The following PDE4D variants were observed in gnomAD, a reference collection of about 807,000 sequenced individuals.
PDE4D encodes phosphodiesterase 4D.
Under a neutral mutation model 87.4 loss-of-function variants are expected in PDE4D, and 24 were observed. That is an observed-to-expected ratio of 0.27 (90% confidence interval 0.20 to 0.39). The LOEUF (loss-of-function observed/expected upper bound fraction) is 0.39, where lower values mean the gene tolerates loss of function less well. Among genes scored for constraint, PDE4D ranks in the 10% least tolerant of loss-of-function variants. The pLI is 1.00. For missense variants in PDE4D, 714 were observed against 1,041.0 expected (o/e 0.69, Z 4.32); for synonymous variants, 384 against 383.2 (o/e 1.00, Z -0.02).
intron 1 of PDE4D, among the ~76,000 whole-genome samples, chr5:59,281,646 T>C (rs1195408075): frequency 6.6e-6 from 1 of 152,134 alleles, no homozygotes; most frequent in Non-Finnish European, 1.5e-5. Context: ...ACAACGATTA[T>C]CTCCATCCAT....
rs1370644483 is a variant in PDE4D at position 60,063,091 on chromosome 5, GAAAGAAGA to G, written c.43-74382_43-74375del. 7.1e-3 allele frequency among the ~76,000 whole-genome samples: 703 copies of G among 99,296 alleles called. 6 individuals are homozygous for G. Among genetic ancestry groups the G allele is most frequent in the African/African-American group, 0.025 (667 of 26,280 alleles). The allele number at this position is 99,296 out of a possible 152,430, so 65.1% of individuals were successfully genotyped here. ...AAAACTTAAAGAAGAAAGAAAGAAA[GAAAGAAGA>G]AAGAAAGAAAGAAAGAAAGAAAGAA... On this transcript the variant is annotated intron_variant, in intron 2 of 16. Transcript: ENST00000502484.
chr5:59,840,555 G>A (rs1455369177), intron 1 of PDE4D, among the ~76,000 whole-genome samples: 2 of 151,948 alleles, frequency 1.3e-5, no homozygotes, highest in Non-Finnish European at 2.9e-5. Flanking sequence ...GGTTGTGAAG[G>A]GACAGAAGGG....
At chr5:59,712,736 A>C (rs1754395240) in intron 1 of PDE4D, among the ~76,000 whole-genome samples, 1 of 152,050 alleles carries the variant, frequency 6.6e-6, no homozygotes, top group African/African-American at 2.4e-5. Context: ...TAATTTCATA[A>C]TTACTGAAAC....
chr5:59,502,875 T>A (rs1185644004), intron 1 of PDE4D, among the ~76,000 whole-genome samples: 1 of 151,222 alleles, frequency 6.6e-6, no homozygotes, highest in Non-Finnish European at 1.5e-5. Flanking sequence ...AATATCTTGA[T>A]AGGATAGAGG....
intron 1 of PDE4D, among the ~76,000 whole-genome samples, chr5:60,467,292 C>G (rs1747435600): frequency 1.3e-5 from 2 of 152,156 alleles, no homozygotes; most frequent in African/African-American, 4.8e-5. Context: ...CCTGCCTTAG[C>G]CTCCCAAAGT....
intron 5 of PDE4D, among the ~76,000 whole-genome samples, chr5:59,094,946 C>T (rs1046877532): frequency 7.9e-5 from 12 of 151,798 alleles, no homozygotes; most frequent in Non-Finnish European, 1.2e-4. Flanking sequence ...CCATTGAATC[C>T]GGGAATCAAC....
chr5:59,597,635 A>G (rs966426891), intron 1 of PDE4D, among the ~76,000 whole-genome samples: 1 of 152,162 alleles, frequency 6.6e-6, no homozygotes, highest in Admixed American at 6.6e-5. Flanking sequence ...TTAGGAAAAA[A>G]AGGATATTCA....
At chr5:60,257,685 A>T (rs764509636) in intron 1 of PDE4D, among the ~76,000 whole-genome samples, 2 of 151,992 alleles carry the variant, frequency 1.3e-5, no homozygotes, top group Non-Finnish European at 2.9e-5. Context: ...GTAGATGCTG[A>T]CAGATTCAGC....
At chr5:60,165,845 T>C (rs1782842796) in intron 2 of PDE4D, among the ~76,000 whole-genome samples, 1 of 151,778 alleles carries the variant, frequency 6.6e-6, no homozygotes, top group Admixed American at 6.6e-5. Context: ...TTCTGTCTTT[T>C]GATTGCAGAA....
At chr5:60,048,916 T>C (rs1230030148) in intron 2 of PDE4D, among the ~76,000 whole-genome samples, 2 of 152,218 alleles carry the variant, frequency 1.3e-5, no homozygotes, top group Non-Finnish European at 2.9e-5. Flanking sequence ...TTGGCCTGCC[T>C]TGCTACATTG....
chr5:59,175,281 C>A (rs1404781324), intron 5 of PDE4D, among the ~76,000 whole-genome samples: 2 of 152,094 alleles, frequency 1.3e-5, no homozygotes, highest in African/African-American at 2.4e-5. Context: ...CATGCCATGA[C>A]TGTGTGAAAA....
At chr5:60,376,083 C>T (rs1391939420) in intron 1 of PDE4D, among the ~76,000 whole-genome samples, 1 of 152,176 alleles carries the variant, frequency 6.6e-6, no homozygotes, top group Non-Finnish European at 1.5e-5. Context: ...TTACAGCTTA[C>T]AACTGTCAGG....
intron 11 of PDE4D, among the ~76,000 whole-genome samples, chr5:58,986,897 T>TA (rs1359234441): frequency 6.6e-6 from 1 of 152,158 alleles, no homozygotes; most frequent in African/African-American, 2.4e-5. Context: ...TAAGGGAACA[T>TA]ATAATATGCT....
chr5:58,976,564 A>C, intron 12 of PDE4D, 92 bp from the exon 13 acceptor site: 1 of 987,906 alleles, frequency 1.0e-6, no homozygotes. Context: ...AAGGAATAAA[A>C]CAACACTATG....
At chr5:59,755,850 T>C (rs1237575431) in intron 1 of PDE4D, among the ~76,000 whole-genome samples, 1 of 150,136 alleles carries the variant, frequency 6.7e-6, no homozygotes, top group Non-Finnish European at 1.5e-5. Flanking sequence ...AAATTAGCCA[T>C]GTATGAAAAA....
chr5:59,893,895 T>G, upstream of PDE4D: 1 of 1,057,390 alleles, frequency 9.5e-7, no homozygotes, highest in Non-Finnish European at 1.2e-6. Context: ...AAGACTAGGG[T>G]GCGCGGTGCC....
chr5:59,683,086 A>C (rs551994426), intron 1 of PDE4D, among the ~76,000 whole-genome samples: 1 of 152,334 alleles, frequency 6.6e-6, no homozygotes, highest in South Asian at 2.1e-4. Flanking sequence ...TGCTAATTTT[A>C]ACCACTGAAC....
intron 1 of PDE4D, among the ~76,000 whole-genome samples, chr5:59,464,068 A>T (rs1455337548): frequency 2.6e-5 from 4 of 152,122 alleles, no homozygotes; most frequent in African/African-American, 4.8e-5. Context: ...GTACCCAGGG[A>T]CACAAAAACT....
intron 1 of PDE4D, among the ~76,000 whole-genome samples, chr5:60,494,048 C>T (rs1240300532): frequency 6.6e-6 from 1 of 152,132 alleles, no homozygotes; most frequent in East Asian, 1.9e-4. Context: ...GCTTATCGGA[C>T]CCACAGACAA....
Sources: allele counts gnomAD v4.1 joint callset (sites outside exome capture counted in the v4.1 genomes callset), GRCh38; gene constraint gnomAD v4.1.1; transcripts MANE v1.5; gene names NCBI Gene and HGNC (gene_info 2026-07-23, HGNC 2026-07-21).